The following FGF10 variants were observed in gnomAD, a reference collection of about 807,000 sequenced individuals.
FGF10 encodes the protein fibroblast growth factor 10.
Under a neutral mutation model 19.8 loss-of-function variants are expected in FGF10, and 2 were observed. The observed-to-expected ratio is 0.10, with a 90% confidence interval of 0.04 to 0.32. The LOEUF is 0.32. Among genes scored for constraint, FGF10 ranks in the 10% least tolerant of loss-of-function variants. The probability of loss-of-function intolerance (pLI) is 1.00; values close to 1 mark genes in which losing one functional copy is unlikely to be tolerated. For missense variants in FGF10, 191 were observed against 246.3 expected (o/e 0.78, Z 1.50); for synonymous variants, 112 against 94.0 (o/e 1.19, Z -1.10).
Position 44,303,603 on chromosome 5 carries a change from T to C in FGF10, c.*1392A>G, listed in dbSNP as rs1051573968. On this transcript the variant is annotated 3_prime_UTR_variant, in exon 3 of 3. Transcript: ENST00000264664. ...TGATGATTGGTAAACTCTTATGTAC[T>C]CTTTTCTATACCTGCTCTAACAAAA... 8 of 152,214 alleles carry C rather than the reference T, an allele frequency of 5.3e-5. No homozygotes were observed. The highest frequency in any genetic ancestry group is 1.9e-4 in the African/African-American group (8 of 41,462). The allele number at this position is 152,214 out of a possible 1,614,324, so 9.4% of individuals were successfully genotyped here. A position where few individuals can be genotyped will look rare whatever the true frequency, so the allele number is the denominator to read the frequency against.
At chr5:44,330,087 C>T (rs757941216) in intron 1 of FGF10, among the ~76,000 whole-genome samples, 16 of 152,120 alleles carry the variant, frequency 1.1e-4, no homozygotes, top group Non-Finnish European at 2.2e-4. Context: ...AGTATTTACC[C>T]AATACTTACT....
At chr5:44,320,330 C>T (rs1031446240) in intron 1 of FGF10, among the ~76,000 whole-genome samples, 2 of 152,098 alleles carry the variant, frequency 1.3e-5, no homozygotes, top group Non-Finnish European at 2.9e-5. Context: ...TTGTATTTAC[C>T]ACTTCCACCC....
chr5:44,384,058 A>T (rs1486475725), intron 1 of FGF10, among the ~76,000 whole-genome samples: 1 of 152,106 alleles, frequency 6.6e-6, no homozygotes, highest in Non-Finnish European at 1.5e-5. Context: ...TTTTCTTAAT[A>T]TGTATGGCTT....
intron 1 of FGF10, among the ~76,000 whole-genome samples, chr5:44,337,355 CTT>C (rs1194126804): frequency 6.6e-6 from 1 of 152,116 alleles, no homozygotes; most frequent in African/African-American, 2.4e-5. Flanking sequence ...GAAGTTCACT[CTT>C]AGTAAACTAC....
At chr5:44,385,202 T>C (rs1256725560) in intron 1 of FGF10, among the ~76,000 whole-genome samples, 2 of 152,174 alleles carry the variant, frequency 1.3e-5, no homozygotes, top group African/African-American at 4.8e-5. Context: ...ATAATTCATC[T>C]CTGCTCTCTT....
chr5:44,310,600 A>G, intron 1 of FGF10, 70 bp from the exon 2 acceptor site: 1 of 1,167,608 alleles, frequency 8.6e-7, no homozygotes, highest in Non-Finnish European at 1.3e-6. Flanking sequence ...TAAAATCAAA[A>G]GAAACTATTG....
rs573861982 is a variant in FGF10 at position 44,303,132 on chromosome 5, A to G, written c.*1863T>C. Among the ~76,000 whole-genome samples the G allele has an allele frequency of 6.6e-6, 1 of 152,318 alleles. No homozygotes were observed. ...AGCAAAGTATGATGAAATGCAATTT[A>G]AACTATAAGCCAAAAGACAGTGCCT... On this transcript the variant is annotated 3_prime_UTR_variant, in exon 3 of 3. Coordinates refer to ENST00000264664, the MANE Select transcript of FGF10 (RefSeq NM_004465.2).
intron 1 of FGF10, among the ~76,000 whole-genome samples, chr5:44,376,622 G>A (rs929152952): frequency 6.8e-6 from 1 of 147,556 alleles, no homozygotes; most frequent in Non-Finnish European, 1.5e-5. Flanking sequence ...TACATATTAA[G>A]AACTTTTGAA....
chr5:44,307,537 G>C (rs1479097079), intron 2 of FGF10, among the ~76,000 whole-genome samples: 3 of 151,958 alleles, frequency 2.0e-5, no homozygotes, highest in Non-Finnish European at 4.4e-5. Context: ...ATATAAGAAA[G>C]GTATACAGTT....
At chr5:44,334,314 C>G (rs929021619) in intron 1 of FGF10, among the ~76,000 whole-genome samples, 15 of 152,028 alleles carry the variant, frequency 9.9e-5, no homozygotes, top group African/African-American at 3.6e-4. Flanking sequence ...ACTGCTTCTT[C>G]TCATTCTTTC....
At chr5:44,356,173 G>T (rs1256826661) in intron 1 of FGF10, among the ~76,000 whole-genome samples, 1 of 151,414 alleles carries the variant, frequency 6.6e-6, no homozygotes, top group Non-Finnish European at 1.5e-5. Context: ...TAGCAATTCA[G>T]TTGAGAATGG....
intron 1 of FGF10, among the ~76,000 whole-genome samples, chr5:44,375,986 T>A (rs529548446): frequency 6.6e-6 from 1 of 152,258 alleles, no homozygotes; most frequent in South Asian, 2.1e-4. Flanking sequence ...AAAGCATTAA[T>A]CTGCTGAAGT....
chr5:44,377,589 G>T (rs1300077012), intron 1 of FGF10, among the ~76,000 whole-genome samples: 1 of 151,630 alleles, frequency 6.6e-6, no homozygotes, highest in African/African-American at 2.4e-5. Flanking sequence ...TTTACAGCTT[G>T]TGTCCTTGAA....
chr5:44,327,433 G>T (rs555569877), intron 1 of FGF10, among the ~76,000 whole-genome samples: 1 of 152,110 alleles, frequency 6.6e-6, no homozygotes, highest in Admixed American at 6.5e-5. Context: ...ACCCAAGTTT[G>T]CAGTCATAAT....
chr5:44,338,451 T>C (rs1438409832), intron 1 of FGF10, among the ~76,000 whole-genome samples: 1 of 151,896 alleles, frequency 6.6e-6, no homozygotes, highest in African/African-American at 2.4e-5. Context: ...GTCCCTGCAG[T>C]GACCGGAGGT....
At chr5:44,359,575 A>T (rs1216533359) in intron 1 of FGF10, among the ~76,000 whole-genome samples, 1 of 151,450 alleles carries the variant, frequency 6.6e-6, no homozygotes, top group Non-Finnish European at 1.5e-5. Context: ...TTAAATTATT[A>T]GTGGGGTAAC....
At chr5:44,328,877 AG>A (rs1210825287) in intron 1 of FGF10, among the ~76,000 whole-genome samples, 2 of 152,140 alleles carry the variant, frequency 1.3e-5, no homozygotes, top group African/African-American at 4.8e-5. Flanking sequence ...GCACACCTGT[AG>A]TTGCAGCTAC....
intron 1 of FGF10, among the ~76,000 whole-genome samples, chr5:44,381,042 G>A (rs1741972424): frequency 6.6e-6 from 1 of 152,170 alleles, no homozygotes; most frequent in South Asian, 2.1e-4. Context: ...TAAGTGTTAT[G>A]TATGCAAATA....
chr5:44,362,687 C>T lies in FGF10; in HGVS notation c.325+25671G>A, dbSNP rs565355723. Among the ~76,000 whole-genome samples the T allele has an allele frequency of 2.6e-5, 4 of 151,732 alleles. No homozygotes were observed. The East Asian group carries it at 5.9e-4, about 22-fold the overall frequency. On this transcript the variant is annotated intron_variant, in intron 1 of 2. Transcript: ENST00000264664. ...GTAATCTTATCTGCCCTTATAGATGCTGCTTCCCTCCTCTACTCAAAATGT... is the reference window on the plus strand; with the variant it reads ...GTAATCTTATCTGCCCTTATAGATGTTGCTTCCCTCCTCTACTCAAAATGT...
Sources: gnomAD v4.1 joint callset for allele counts (sites outside exome capture counted in the v4.1 genomes callset) on GRCh38, gnomAD v4.1.1 for gene constraint, MANE v1.5 for transcripts, NCBI Gene and HGNC (gene_info 2026-07-23, HGNC 2026-07-21) for gene names.